PCDHGA4: variants seen among roughly 807,000 people sequenced by gnomAD.
The protein encoded by PCDHGA4 is protocadherin gamma-A4.
Under a neutral mutation model 54.6 loss-of-function variants are expected in PCDHGA4, and 38 were observed. The observed-to-expected ratio is 0.70, with a 90% CI of 0.54 to 0.91. PCDHGA4 has a LOEUF of 0.91. Ranked by LOEUF, PCDHGA4 falls within the 40% of genes least tolerant of loss-of-function variation. PCDHGA4 has a pLI of 0.00. For missense variants in PCDHGA4, 1,298 were observed against 1,220.9 expected, an observed-to-expected ratio of 1.06 and a Z score of -0.94; for synonymous variants, 511 against 512.9, an observed-to-expected ratio of 1.00 and a Z score of 0.05.
intron 1 of PCDHGA4, among the ~76,000 whole-genome samples, chr5:141,406,616 T>C (rs1226509680): frequency 1.3e-5 from 2 of 152,242 alleles, no homozygotes; most frequent in Non-Finnish European, 2.9e-5. Flanking sequence ...ACATCTTTTA[T>C]TCTCATATCT....
intron 1 of PCDHGA4, chr5:141,410,354 T>C (rs2095384532): frequency 3.7e-6 from 6 of 1,614,048 alleles, no homozygotes; most frequent in Non-Finnish European, 5.1e-6. Context: ...CCTGCGACGC[T>C]CTCTCAGCCC....
chr5:141,390,404 G>T, intron 1 of PCDHGA4: 1 of 1,262,098 alleles, frequency 7.9e-7, no homozygotes. Flanking sequence ...TTTTAGGAAA[G>T]TTGTAGTCAG....
chr5:141,439,066 G>A (rs1004595196), intron 1 of PCDHGA4, among the ~76,000 whole-genome samples: 2 of 151,258 alleles, frequency 1.3e-5, no homozygotes, highest in African/African-American at 2.4e-5. Context: ...TGTGGCAGGC[G>A]CCTGTAATCC....
Position 141,432,604 on chromosome 5 carries a change from A to T in PCDHGA4, c.2515-62203A>T, listed in dbSNP as rs774164351. ...GTCTGCTCAAGGCCAGCGAGCCGGG[A>T]CTCTTCTCGGTGGGTCTGCACACGG... On this transcript the variant is annotated intron_variant, in intron 1 of 3. Coordinates refer to ENST00000571252, the MANE Select transcript of PCDHGA4 (RefSeq NM_018917.4). The surrounding 1 kb of genome is among the most constrained non-coding windows in gnomAD (Gnocchi z 6.0). 1.2e-6 allele frequency: 2 copies of T among 1,610,530 alleles called. No homozygotes were observed. The highest frequency in any genetic ancestry group is 1.7e-6 in the Non-Finnish European group (2 of 1,179,274).
chr5:141,427,931 G>T (rs1381637805), intron 1 of PCDHGA4: 3 of 1,583,646 alleles, frequency 1.9e-6, no homozygotes, highest in Non-Finnish European at 2.6e-6. Flanking sequence ...GGCGCATGTT[G>T]GTGGGCGACC....
intron 1 of PCDHGA4, chr5:141,365,446 T>C: frequency 6.2e-7 from 1 of 1,614,030 alleles, no homozygotes; most frequent in Non-Finnish European, 8.5e-7. Flanking sequence ...TTAGCGTACA[T>C]GATGGTGATT....
chr5:141,394,136 C>G, intron 1 of PCDHGA4: 1 of 1,613,956 alleles, frequency 6.2e-7, no homozygotes, highest in Non-Finnish European at 8.5e-7. Flanking sequence ...TCGCTCTGCA[C>G]GTGGCAGACA....
Position 141,491,034 on chromosome 5 carries a change from T to G in PCDHGA4, c.2515-3773T>G, listed in dbSNP as rs375902824. 1 of 1,614,170 alleles carries G rather than the reference T, an allele frequency of 6.2e-7. No homozygotes were observed. The highest frequency in any genetic ancestry group is 8.5e-7 in the Non-Finnish European group (1 of 1,180,024). On this transcript the variant is annotated intron_variant, in intron 1 of 3. Coordinates refer to ENST00000571252, the MANE Select transcript of PCDHGA4 (RefSeq NM_018917.4). The surrounding 1 kb of genome is among the most constrained non-coding windows in gnomAD (Gnocchi z 6.9). ...CCAAGGTGACAGCCGTGGATGCTGATGCAGGCCACAATGCGTGGCTCTCCT... is the reference window on the plus strand; with the variant it reads ...CCAAGGTGACAGCCGTGGATGCTGAGGCAGGCCACAATGCGTGGCTCTCCT...
intron 1 of PCDHGA4, chr5:141,416,359 A>G (rs1215806118): frequency 6.6e-6 from 1 of 152,228 alleles, no homozygotes; most frequent in Non-Finnish European, 1.5e-5. Flanking sequence ...TGAGGAGGCT[A>G]TAGAGGGTGA....
chr5:141,475,989 A>G, intron 1 of PCDHGA4: 1 of 1,130,622 alleles, frequency 8.8e-7, no homozygotes, highest in Non-Finnish European at 1.3e-6. Flanking sequence ...CCGGCGAGCA[A>G]ATCAACGGCA....
intron 1 of PCDHGA4, among the ~76,000 whole-genome samples, chr5:141,494,496 T>A (rs147870810): frequency 2.9e-3 from 442 of 152,264 alleles, no homozygotes; most frequent in Non-Finnish European, 4.9e-3. Flanking sequence ...ATGCCTTCAG[T>A]CCTTGAATTT....
chr5:141,406,415 GC>G (rs2094806009), intron 1 of PCDHGA4, among the ~76,000 whole-genome samples: 1 of 152,164 alleles, frequency 6.6e-6, no homozygotes, highest in Non-Finnish European at 1.5e-5. Flanking sequence ...ACAGCTGAAA[GC>G]CCAGATTTAT....
At chr5:141,401,533 C>CA (rs902946394) in intron 1 of PCDHGA4, among the ~76,000 whole-genome samples, 5 of 151,672 alleles carry the variant, frequency 3.3e-5, no homozygotes, top group Admixed American at 6.6e-5. Flanking sequence ...AAGAAACTTA[C>CA]AAAAAAAAGG....
intron 2 of PCDHGA4, among the ~76,000 whole-genome samples, chr5:141,495,690 G>A (rs1261694815): frequency 1.3e-5 from 2 of 152,172 alleles, no homozygotes; most frequent in East Asian, 3.9e-4. Context: ...TGGCATAAGT[G>A]CTCAATAAAT....
At chr5:141,394,407 G>A in intron 1 of PCDHGA4, 1 of 1,614,240 alleles carries the variant, frequency 6.2e-7, no homozygotes, top group Admixed American at 1.7e-5. Context: ...GCAGCTACTG[G>A]TAACAGCCAG....
At chr5:141,430,815 T>A in intron 1 of PCDHGA4, 1 of 1,535,252 alleles carries the variant, frequency 6.5e-7, no homozygotes, top group Non-Finnish European at 8.7e-7. Flanking sequence ...CTGGGAATCC[T>A]CCTGGGGACT....
At chr5:141,364,333 G>A in intron 1 of PCDHGA4, 1 of 1,532,742 alleles carries the variant, frequency 6.5e-7, no homozygotes. Flanking sequence ...AGAAGGCAAT[G>A]GCGAGTCCAC....
At chr5:141,360,210 C>T (rs748051773) in intron 1 of PCDHGA4, 2 of 1,613,122 alleles carry the variant, frequency 1.2e-6, no homozygotes, top group Non-Finnish European at 1.7e-6. Context: ...TGTCTTTGTT[C>T]CCCGGGGCTC....
chr5:141,432,172 C>T lies in PCDHGA4; in HGVS notation c.2515-62635C>T, dbSNP rs562175068. ...AGAACAATCCCAGAGGAGTTTCCCT[C>T]GTCTCTGTGACCGCCCACGACCCCG... On this transcript the variant is annotated intron_variant, in intron 1 of 3. Coordinates refer to ENST00000571252, the MANE Select transcript of PCDHGA4 (RefSeq NM_018917.4). This position sits in a 1 kb window ranked among gnomAD's most constrained non-coding sequence, Gnocchi z 6.0. 22 of 1,614,152 alleles carry T rather than the reference C, an allele frequency of 1.4e-5. No individual in the cohort carries two copies. In the Admixed American group the frequency reaches 3.5e-4, roughly 26 times the overall value.
Sources: gnomAD v4.1 joint callset for allele counts (sites outside exome capture counted in the v4.1 genomes callset) on GRCh38, gnomAD v4.1.1 for gene constraint, Gnocchi (gnomAD v3.1) non-coding constraint, MANE v1.5 for transcripts, NCBI Gene and HGNC (gene_info 2026-07-23, HGNC 2026-07-21) for gene names.